Variants in RBFOX1 observed in about 807,000 individuals in gnomAD.
RBFOX1 encodes the protein RNA binding protein fox-1 homolog 1.
Under a neutral mutation model 57.7 loss-of-function variants are expected in RBFOX1, and 8 were observed. That is an observed-to-expected ratio of 0.14 (90% confidence interval 0.08 to 0.25). The LOEUF (loss-of-function observed/expected upper bound fraction) is 0.25. Ranked by LOEUF, RBFOX1 falls within the 10% of genes least tolerant of loss-of-function variation. The pLI, the probability that RBFOX1 is intolerant of heterozygous loss-of-function variation, is 1.00. For synonymous variants in RBFOX1, 326 were observed against 222.4 expected (o/e 1.47, Z -4.15); for missense variants, 611 against 548.5 (o/e 1.11, Z -1.14).
At chr16:7,042,391 T>C (rs749688214) in intron 3 of RBFOX1, among the ~76,000 whole-genome samples, 1 of 152,174 alleles carries the variant, frequency 6.6e-6, no homozygotes, top group African/African-American at 2.4e-5. Context: ...ATCCAGATGG[T>C]AATTCCCTCT....
chr16:5,500,111 CCCTTCCCTCCTTCCCT>C lies in RBFOX1; in HGVS notation c.258+32882_258+32897del, dbSNP rs550375888. Reference sequence around the variant, plus strand: ...CTTCCCTCCATTCCCTCCCTTCCCTCCCTTCCCTCCTTCCCTCCTTCCCTCCTTCCCTCCTTCCCTT... The same window carrying C: ...CTTCCCTCCATTCCCTCCCTTCCCTCCCTTCCCTCCTTCCCTCCTTCCCTT... On this transcript the variant is annotated intron_variant, in intron 2 of 2. Transcript: ENST00000585867. 2.3e-3 allele frequency among the ~76,000 whole-genome samples: 269 copies of C among 117,248 alleles called. 1 individual carries two copies. The highest frequency in any genetic ancestry group is 9.3e-3 in the African/African-American group (210 of 22,694). The allele number at this position is 117,248 out of a possible 152,430, so 76.9% of individuals were successfully genotyped here.
At chr16:7,077,162 T>A (rs1280129273) in intron 4 of RBFOX1, among the ~76,000 whole-genome samples, 1 of 152,188 alleles carries the variant, frequency 6.6e-6, no homozygotes, top group South Asian at 2.1e-4. Flanking sequence ...GAATTATTCC[T>A]CTGAATAAGC....
At chr16:6,066,915 T>C (rs1567372534) in intron 1 of RBFOX1, among the ~76,000 whole-genome samples, 1 of 152,034 alleles carries the variant, frequency 6.6e-6, no homozygotes, top group African/African-American at 2.4e-5. Context: ...GACTCACCAT[T>C]ATGGTGTATT....
At chr16:6,316,066 G>A (rs12929963) in intron 1 of RBFOX1, among the ~76,000 whole-genome samples, 73,663 of 152,010 alleles carry the variant, frequency 0.48, 18,712 homozygotes, top group Middle Eastern at 0.65. Flanking sequence ...TTGTACTGCT[G>A]CTTTATAAGA....
At chr16:6,218,283 T>A (rs910037500) in intron 1 of RBFOX1, among the ~76,000 whole-genome samples, 3 of 149,196 alleles carry the variant, frequency 2.0e-5, no homozygotes, top group African/African-American at 7.7e-5. Context: ...GTCTTTTTAT[T>A]TATTTATTTA....
At chr16:6,385,564 T>C (rs1220598577) in intron 2 of RBFOX1, among the ~76,000 whole-genome samples, 3 of 152,226 alleles carry the variant, frequency 2.0e-5, no homozygotes, top group Non-Finnish European at 2.9e-5. Context: ...TTTACCATGT[T>C]GGCCAGGCTG....
At chr16:7,348,124 A>G (rs1407589987) in intron 4 of RBFOX1, among the ~76,000 whole-genome samples, 1 of 152,326 alleles carries the variant, frequency 6.6e-6, no homozygotes, top group East Asian at 1.9e-4. Context: ...CTTACCATAA[A>G]ATTAATGTGG....
At chr16:7,362,656 GTTTT>G (rs1271722872) in intron 4 of RBFOX1, among the ~76,000 whole-genome samples, 1 of 150,456 alleles carries the variant, frequency 6.6e-6, no homozygotes, top group Non-Finnish European at 1.5e-5. Context: ...GTATGTGTAT[GTTTT>G]TTATGTTAGT....
At chr16:7,601,971 C>G (rs1568036724) in intron 9 of RBFOX1, among the ~76,000 whole-genome samples, 1 of 152,204 alleles carries the variant, frequency 6.6e-6, no homozygotes, top group Non-Finnish European at 1.5e-5. Context: ...GCCACCTGTA[C>G]CATGTCAGCT....
chr16:7,261,340 T>C (rs1354622183), intron 4 of RBFOX1, among the ~76,000 whole-genome samples: 2 of 152,218 alleles, frequency 1.3e-5, no homozygotes, highest in Non-Finnish European at 2.9e-5. Context: ...TATATCATTA[T>C]CATCACTACT....
chr16:7,411,526 C>G (rs1050163261), intron 4 of RBFOX1, among the ~76,000 whole-genome samples: 1 of 152,132 alleles, frequency 6.6e-6, no homozygotes, highest in Non-Finnish European at 1.5e-5. Flanking sequence ...ATCTATAACC[C>G]CAGTCTAATT....
At chr16:7,254,923 T>A (rs185797381) in intron 4 of RBFOX1, among the ~76,000 whole-genome samples, 1 of 152,144 alleles carries the variant, frequency 6.6e-6, no homozygotes, top group Non-Finnish European at 1.5e-5. Flanking sequence ...CTCTAGACAT[T>A]TCAAATTTCA....
chr16:7,192,074 C>T (rs1025156178), intron 4 of RBFOX1, among the ~76,000 whole-genome samples: 18 of 151,766 alleles, frequency 1.2e-4, no homozygotes, highest in Non-Finnish European at 2.4e-4. Context: ...TAGAATTCTA[C>T]GAGCTGTTTT....
chr16:7,377,681 C>T (rs1242196666), intron 4 of RBFOX1, among the ~76,000 whole-genome samples: 1 of 152,168 alleles, frequency 6.6e-6, no homozygotes, highest in East Asian at 1.9e-4. Flanking sequence ...ATTCATTCCA[C>T]ATATATTTGT....
At chr16:6,968,470 A>G (rs1449873097) in intron 3 of RBFOX1, among the ~76,000 whole-genome samples, 1 of 152,024 alleles carries the variant, frequency 6.6e-6, no homozygotes. Flanking sequence ...CGGACCGAAA[A>G]ACTGAGGCTT....
intron 4 of RBFOX1, among the ~76,000 whole-genome samples, chr16:7,239,012 T>C (rs761341756): frequency 7.9e-5 from 12 of 152,242 alleles, no homozygotes; most frequent in Non-Finnish European, 1.8e-4. Flanking sequence ...ACAGTATACA[T>C]GTACCACACT....
chr16:5,962,735 C>T (rs973993743), intron 4 of RBFOX1, among the ~76,000 whole-genome samples: 1 of 151,592 alleles, frequency 6.6e-6, no homozygotes, highest in Non-Finnish European at 1.5e-5. Context: ...GTGTGTATAG[C>T]CTGTTTCTTG....
intron 2 of RBFOX1, among the ~76,000 whole-genome samples, chr16:6,602,287 A>G (rs1422806605): frequency 1.3e-5 from 2 of 152,092 alleles, no homozygotes; most frequent in Non-Finnish European, 2.9e-5. Context: ...TCACTCTTTT[A>G]ATAGTGTCTT....
chr16:7,315,747 C>G (rs1296462801), intron 4 of RBFOX1, among the ~76,000 whole-genome samples: 1 of 152,076 alleles, frequency 6.6e-6, no homozygotes, highest in African/African-American at 2.4e-5. Context: ...AGCAAATGCA[C>G]TTTACATTTA....
Sources: gnomAD v4.1 joint callset for allele counts (sites outside exome capture counted in the v4.1 genomes callset) on GRCh38, gnomAD v4.1.1 for gene constraint, MANE v1.5 for transcripts, NCBI Gene and HGNC (gene_info 2026-07-23, HGNC 2026-07-21) for gene names.